GALNT14: variants seen among roughly 807,000 people sequenced by gnomAD.
The protein encoded by GALNT14 is polypeptide N-acetylgalactosaminyltransferase 14.
In GALNT14, 60 loss-of-function variants were observed where a neutral mutation model predicts 77.5. The ratio of observed to expected loss-of-function variants is 0.77; its 90% CI spans 0.63 to 0.96. The LOEUF (loss-of-function observed/expected upper bound fraction) is 0.96. Among genes scored for constraint, GALNT14 ranks in the 40% least tolerant of loss-of-function variants. GALNT14 has a pLI of 0.00. For synonymous variants in GALNT14, 280 were observed against 281.7 expected, an observed-to-expected ratio of 0.99 and a Z score of 0.06; for missense variants, 710 against 731.0, an observed-to-expected ratio of 0.97 and a Z score of 0.33.
At chr2:30,909,632 T>C (rs1421122443), downstream of GALNT14, among the ~76,000 whole-genome samples, 178 of 151,292 alleles carry the variant, frequency 1.2e-3, no homozygotes, top group African/African-American at 4.1e-3. Context: ...CTAGTTCAAC[T>C]ATTGTGGAAG....
chr2:31,033,867 A>G (rs1672558624), intron 1 of GALNT14, among the ~76,000 whole-genome samples: 1 of 152,208 alleles, frequency 6.6e-6, no homozygotes, highest in Non-Finnish European at 1.5e-5. Context: ...TCACTATTGA[A>G]AAAGCATGTC....
chr2:30,979,950 C>T (rs773933837), intron 2 of GALNT14, among the ~76,000 whole-genome samples: 19 of 152,230 alleles, frequency 1.2e-4, no homozygotes, highest in Admixed American at 3.3e-4. Flanking sequence ...CCTTGGCTTC[C>T]ATCCCCAGTA....
chr2:30,924,712 C>T (rs1463653700), intron 12 of GALNT14, 28 bp downstream of exon 12: 6 of 1,602,340 alleles, frequency 3.7e-6, no homozygotes, highest in Middle Eastern at 1.7e-4. Flanking sequence ...TTTCAGCCAG[C>T]CAAAGCTCCA....
intron 1 of GALNT14, among the ~76,000 whole-genome samples, chr2:31,011,590 C>T (rs939252823): frequency 6.6e-6 from 1 of 152,146 alleles, no homozygotes; most frequent in East Asian, 1.9e-4. Flanking sequence ...TCCAGTGCCA[C>T]CCTGGGGCCA....
At chr2:31,133,868 A>G (rs1286931900) in intron 1 of GALNT14, among the ~76,000 whole-genome samples, 3 of 152,230 alleles carry the variant, frequency 2.0e-5, no homozygotes, top group African/African-American at 7.2e-5. Flanking sequence ...GAGGCAGTAA[A>G]AGAATGAAAT....
chr2:30,935,255 T>C (rs1665982663), intron 9 of GALNT14, among the ~76,000 whole-genome samples: 1 of 152,138 alleles, frequency 6.6e-6, no homozygotes, highest in Non-Finnish European at 1.5e-5. Flanking sequence ...AACTCCGAAA[T>C]TCATGCTCTT....
chr2:31,008,732 C>A (rs1349867987), intron 1 of GALNT14, among the ~76,000 whole-genome samples: 1 of 152,202 alleles, frequency 6.6e-6, no homozygotes, highest in African/African-American at 2.4e-5. Context: ...AATTTTAAAG[C>A]GGTTGTTAAT....
At chr2:31,125,505 A>G (rs1191003623) in intron 1 of GALNT14, among the ~76,000 whole-genome samples, 1 of 152,224 alleles carries the variant, frequency 6.6e-6, no homozygotes, top group African/African-American at 2.4e-5. Flanking sequence ...GGAAAAAAGA[A>G]CACTTTAATT....
chr2:31,135,813 G>A (rs376160686), intron 1 of GALNT14, among the ~76,000 whole-genome samples: 6 of 152,130 alleles, frequency 3.9e-5, no homozygotes, highest in South Asian at 2.1e-4. Context: ...GGGACACAGC[G>A]TGCTCATCAT....
chr2:30,891,141 G>A, the GALNT14 span, among the ~76,000 whole-genome samples: 2 of 152,108 alleles, frequency 1.3e-5, no homozygotes, highest in African/African-American at 2.4e-5. Flanking sequence ...CCCAAATTCC[G>A]GCATGAGACA....
chr2:30,974,223 A>G (rs1021817588), intron 2 of GALNT14, among the ~76,000 whole-genome samples: 2 of 152,156 alleles, frequency 1.3e-5, no homozygotes, highest in African/African-American at 4.8e-5. Flanking sequence ...CCCCAGACCC[A>G]ATGTGATTAA....
intron 1 of GALNT14, among the ~76,000 whole-genome samples, chr2:31,107,364 C>G (rs1677609855): frequency 6.6e-6 from 1 of 152,148 alleles, no homozygotes; most frequent in Non-Finnish European, 1.5e-5. Context: ...CTGAGCCCAC[C>G]AGGTACTCTC....
At chr2:30,992,362 T>A (rs1669754371) in intron 2 of GALNT14, among the ~76,000 whole-genome samples, 1 of 152,148 alleles carries the variant, frequency 6.6e-6, no homozygotes, top group Non-Finnish European at 1.5e-5. Flanking sequence ...CTGGCTCCTC[T>A]TCTCACATGG....
intron 2 of GALNT14, among the ~76,000 whole-genome samples, chr2:30,967,971 T>C (rs916690341): frequency 1.3e-5 from 2 of 152,208 alleles, no homozygotes; most frequent in South Asian, 2.1e-4. Flanking sequence ...ACCTGAGGAC[T>C]CTTATTCAAC....
At chr2:30,898,795 C>A in the GALNT14 span, among the ~76,000 whole-genome samples, 2 of 152,122 alleles carry the variant, frequency 1.3e-5, no homozygotes, top group East Asian at 3.9e-4. Context: ...AGTGAGGGAT[C>A]AAGAAGGGAA....
chr2:31,051,076 G>A (rs1258022661), intron 1 of GALNT14, among the ~76,000 whole-genome samples: 17 of 152,196 alleles, frequency 1.1e-4, no homozygotes, highest in Admixed American at 1.1e-3. Flanking sequence ...GAAATGAACA[G>A]GGTGGAAAAC....
intron 1 of GALNT14, among the ~76,000 whole-genome samples, chr2:31,019,665 C>T (rs1671597993): frequency 1.3e-5 from 2 of 152,168 alleles, no homozygotes. Context: ...CCAGACTGGA[C>T]CTTCCTGGGA....
chr2:31,000,435 C>CTGTGTGTGTGTG (rs3223043), intron 1 of GALNT14, among the ~76,000 whole-genome samples: 2,452 of 146,024 alleles, frequency 0.017, 44 homozygotes, highest in African/African-American at 0.037. Context: ...ATATCACCAA[C>CTGTGTGTGTGTG]TGTGTGTGTG....
chr2:30,918,272 G>C (rs929805918), intron 13 of GALNT14, among the ~76,000 whole-genome samples: 23 of 152,144 alleles, frequency 1.5e-4, no homozygotes, highest in South Asian at 2.1e-4. Flanking sequence ...TGGATCCTGG[G>C]GTGATACCAG....
Sources: allele counts gnomAD v4.1 joint callset (sites outside exome capture counted in the v4.1 genomes callset), GRCh38; gene constraint gnomAD v4.1.1; transcripts MANE v1.5; gene names NCBI Gene and HGNC (gene_info 2026-07-23, HGNC 2026-07-21).